MYH11: variants seen among roughly 807,000 people sequenced by gnomAD.
The protein encoded by MYH11 is myosin heavy chain 11.
Under a neutral mutation model 246.6 loss-of-function variants are expected in MYH11, and 80 were observed. The ratio of observed to expected loss-of-function variants is 0.32; its 90% CI spans 0.27 to 0.39. MYH11 has a LOEUF of 0.39. Among genes scored for constraint, MYH11 ranks in the 10% least tolerant of loss-of-function variants. MYH11 has a pLI of 1.00. For missense variants in MYH11, 2,158 were observed against 2,546.8 expected, an observed-to-expected ratio of 0.85 and a Z score of 3.29; for synonymous variants, 1,071 against 1,015.5, an observed-to-expected ratio of 1.05 and a Z score of -1.04.
chr16:15,757,731 T>C, intron 13 of MYH11, 96 bp downstream of exon 13: 2 of 1,485,550 alleles, frequency 1.3e-6, no homozygotes, highest in East Asian at 2.4e-5. Flanking sequence ...GGGAATGCTA[T>C]GTGCATGGGG....
At chr16:15,782,679 A>T in intron 5 of MYH11, 1 of 578,406 alleles carries the variant, frequency 1.7e-6, no homozygotes, top group South Asian at 2.0e-5. Flanking sequence ...TCTAATAGCT[A>T]GGACATCTGC....
intron 3 of MYH11, among the ~76,000 whole-genome samples, chr16:15,817,891 C>G (rs568563913): frequency 6.6e-6 from 1 of 152,162 alleles, no homozygotes; most frequent in Non-Finnish European, 1.5e-5. Context: ...TTATAAAGCC[C>G]CACCTCTCTC....
chr16:15,815,579 A>G (rs969041473), intron 3 of MYH11, among the ~76,000 whole-genome samples: 1 of 152,188 alleles, frequency 6.6e-6, no homozygotes, highest in African/African-American at 2.4e-5. Flanking sequence ...ACTTCTAAGA[A>G]AAAGAAACAG....
chr16:15,805,971 A>G (rs1330908517), intron 3 of MYH11, among the ~76,000 whole-genome samples: 1 of 151,886 alleles, frequency 6.6e-6, no homozygotes, highest in Admixed American at 6.6e-5. Context: ...CCTTGACAAC[A>G]TTATACTAAG....
chr16:15,848,200 C>G (rs1259978825), intron 1 of MYH11, among the ~76,000 whole-genome samples: 1 of 147,948 alleles, frequency 6.8e-6, no homozygotes, highest in African/African-American at 2.5e-5. Context: ...ATTAATAATA[C>G]TAATACTAGT....
chr16:15,738,714 G>A, intron 23 of MYH11, 26 bp from the exon 24 acceptor site: 1 of 1,611,874 alleles, frequency 6.2e-7, no homozygotes, highest in Non-Finnish European at 8.5e-7. Flanking sequence ...GAAAGAGATA[G>A]CTTTAGGATT....
intron 6 of MYH11, among the ~76,000 whole-genome samples, chr16:15,780,193 T>C (rs2042314781): frequency 6.6e-6 from 1 of 152,130 alleles, no homozygotes; most frequent in African/African-American, 2.4e-5. Context: ...GCAAACGCAG[T>C]GCTTCTCAGT....
intron 2 of MYH11, among the ~76,000 whole-genome samples, chr16:15,833,332 GA>G (rs1567208049): frequency 6.9e-6 from 1 of 144,048 alleles, no homozygotes; most frequent in Admixed American, 7.1e-5. Context: ...AAAGAAAAAA[GA>G]AGACAGAAAG....
chr16:15,796,510 G>A (rs1166404946), intron 4 of MYH11, among the ~76,000 whole-genome samples: 1 of 152,142 alleles, frequency 6.6e-6, no homozygotes, highest in African/African-American at 2.4e-5. Flanking sequence ...CTCAACAGAG[G>A]GCAGTTGAGC....
intron 20 of MYH11, chr16:15,742,169 T>C: frequency 1.8e-6 from 1 of 543,298 alleles, no homozygotes; most frequent in Non-Finnish European, 3.3e-6. Context: ...GTGGCAAGAC[T>C]GAGGAGCTCT....
chr16:15,832,484 G>A (rs2043766171), intron 2 of MYH11, among the ~76,000 whole-genome samples: 2 of 152,184 alleles, frequency 1.3e-5, no homozygotes, highest in Admixed American at 1.3e-4. Flanking sequence ...CGGAAAAGCA[G>A]AGCAAAAAGC....
At chr16:15,784,052 C>T (rs1344967929) in intron 5 of MYH11, among the ~76,000 whole-genome samples, 1 of 152,108 alleles carries the variant, frequency 6.6e-6, no homozygotes, top group Non-Finnish European at 1.5e-5. Context: ...CAGGTCCAAG[C>T]AGGACCAGGT....
chr16:15,761,263 A>T (rs1180070663), intron 10 of MYH11, among the ~76,000 whole-genome samples: 1 of 152,002 alleles, frequency 6.6e-6, no homozygotes, highest in Non-Finnish European at 1.5e-5. Context: ...GGTGCCTGCC[A>T]CCACACCCAG....
chr16:15,707,002 C>A (rs2039491729), intron 40 of MYH11, among the ~76,000 whole-genome samples: 1 of 152,112 alleles, frequency 6.6e-6, no homozygotes, highest in African/African-American at 2.4e-5. Flanking sequence ...ACTAAGGGAC[C>A]CCCCTAAAGG....
intron 37 of MYH11, chr16:15,718,101 T>G: frequency 2.8e-6 from 2 of 722,426 alleles, no homozygotes; most frequent in Non-Finnish European, 4.5e-6. Context: ...GGCTGGAAAA[T>G]GAGACACTGC....
At chr16:15,782,520 G>A (rs764374709) in intron 5 of MYH11, 43 bp from the exon 6 acceptor site, 2 of 1,512,068 alleles carry the variant, frequency 1.3e-6, no homozygotes, top group South Asian at 2.3e-5. Flanking sequence ...AGCAACCTAG[G>A]TCCTGACAGT....
intron 33 of MYH11, 78 bp downstream of exon 33, chr16:15,720,761 A>G: frequency 1.4e-6 from 2 of 1,473,260 alleles, no homozygotes; most frequent in Non-Finnish European, 1.9e-6. Context: ...CGAAGTTTCC[A>G]CACCAACCAT....
intron 20 of MYH11, among the ~76,000 whole-genome samples, chr16:15,742,998 C>CT (rs57274938): frequency 0.022 from 2,869 of 131,166 alleles, 44 homozygotes; most frequent in African/African-American, 0.035. Flanking sequence ...AGGTAGAAGT[C>CT]TTTTTTTTTT....
intron 2 of MYH11, among the ~76,000 whole-genome samples, chr16:15,829,869 T>C (rs746261393): frequency 1.3e-5 from 2 of 152,162 alleles, no homozygotes; most frequent in Admixed American, 1.3e-4. Context: ...GCGCAGTGGC[T>C]CACACCTGTA....
Sources: allele counts gnomAD v4.1 joint callset (sites outside exome capture counted in the v4.1 genomes callset), GRCh38; gene constraint gnomAD v4.1.1; transcripts MANE v1.5; gene names NCBI Gene and HGNC (gene_info 2026-07-23, HGNC 2026-07-21).